The following DNAJC11 variants were observed in gnomAD, a reference collection of about 807,000 sequenced individuals.
DNAJC11 encodes the protein dnaJ homolog subfamily C member 11.
In DNAJC11, 15 loss-of-function variants were observed where a neutral mutation model predicts 78.6. The ratio of observed to expected loss-of-function variants is 0.19; its 90% CI spans 0.13 to 0.29. The LOEUF (loss-of-function observed/expected upper bound fraction) is 0.29. Ranked by LOEUF, DNAJC11 falls within the 10% of genes least tolerant of loss-of-function variation. The pLI is 1.00. For synonymous variants in DNAJC11, 292 were observed against 272.1 expected, an observed-to-expected ratio of 1.07 and a Z score of -0.72; for missense variants, 547 against 709.6, an observed-to-expected ratio of 0.77 and a Z score of 2.60.
intron 6 of DNAJC11, 71 bp from the exon 7 acceptor site, chr1:6,651,673 G>T: frequency 9.0e-7 from 1 of 1,106,198 alleles, no homozygotes; most frequent in Non-Finnish European, 1.4e-6. Context: ...GCTCAGGTAT[G>T]TACCTCTAGG....
intron 1 of DNAJC11, among the ~76,000 whole-genome samples, chr1:6,701,033 G>A (rs558213241): frequency 6.6e-6 from 1 of 152,198 alleles, no homozygotes; most frequent in Admixed American, 6.5e-5. Context: ...TGAGGAGACA[G>A]GGTACAAGTG....
At chr1:6,671,618 G>A (rs1210404100) in intron 3 of DNAJC11, among the ~76,000 whole-genome samples, 2 of 148,256 alleles carry the variant, frequency 1.3e-5, no homozygotes, top group Non-Finnish European at 3.0e-5. Context: ...TGCAAGCTCC[G>A]CCTCATGGGT....
intron 3 of DNAJC11, among the ~76,000 whole-genome samples, chr1:6,677,880 T>C (rs1464206387): frequency 6.6e-6 from 1 of 152,184 alleles, no homozygotes; most frequent in Non-Finnish European, 1.5e-5. Flanking sequence ...TACATGAGAA[T>C]TGAAAGGGTC....
chr1:6,655,973 G>A (rs1175973382), intron 4 of DNAJC11, among the ~76,000 whole-genome samples: 4 of 150,288 alleles, frequency 2.7e-5, no homozygotes, highest in Admixed American at 6.6e-5. Context: ...GTGGTGGTGC[G>A]CACCTATAAT....
At chr1:6,697,951 C>T (rs1642864048) in intron 1 of DNAJC11, among the ~76,000 whole-genome samples, 2 of 152,026 alleles carry the variant, frequency 1.3e-5, no homozygotes, top group Admixed American at 6.6e-5. Context: ...CCACCACGCC[C>T]GGCTAATTTT....
intron 7 of DNAJC11, among the ~76,000 whole-genome samples, chr1:6,648,824 G>C (rs974115692): frequency 6.6e-6 from 1 of 152,184 alleles, no homozygotes; most frequent in African/African-American, 2.4e-5. Flanking sequence ...CAACACTGAT[G>C]TGTATACAGA....
At chr1:6,678,577 C>T in intron 2 of DNAJC11, 110 bp from the exon 3 acceptor site, 1 of 832,218 alleles carries the variant, frequency 1.2e-6, no homozygotes, top group Non-Finnish European at 1.9e-6. Flanking sequence ...CCTGTCTGAT[C>T]ACAATCTTCC....
chr1:6,663,299 A>AC (rs924251323), intron 4 of DNAJC11, among the ~76,000 whole-genome samples: 2 of 152,008 alleles, frequency 1.3e-5, no homozygotes, highest in Non-Finnish European at 2.9e-5. Flanking sequence ...TTGCCCCCAC[A>AC]CCCCCAAACA....
chr1:6,695,430 C>G (rs1642818942), intron 1 of DNAJC11, among the ~76,000 whole-genome samples: 1 of 151,814 alleles, frequency 6.6e-6, no homozygotes, highest in African/African-American at 2.4e-5. Flanking sequence ...ACGCACATAC[C>G]ACACAGGTCA....
intron 3 of DNAJC11, among the ~76,000 whole-genome samples, chr1:6,669,529 A>G (rs1642344882): frequency 7.4e-6 from 1 of 134,470 alleles, no homozygotes; most frequent in African/African-American, 3.2e-5. Flanking sequence ...AGAAAAGAAA[A>G]GAAAAGAAAA....
At chr1:6,697,625 G>A (rs1267267291) in intron 1 of DNAJC11, among the ~76,000 whole-genome samples, 1 of 152,086 alleles carries the variant, frequency 6.6e-6, no homozygotes, top group Non-Finnish European at 1.5e-5. Context: ...ACCTCCTGCT[G>A]TGCGGCCCAA....
In DNAJC11 at chr1:6,645,019, T is replaced by C. The variant is rs777038535; in HGVS notation, c.980+22A>G. 9 of 1,610,422 alleles carry C rather than the reference T, an allele frequency of 5.6e-6. No homozygotes were observed. The highest frequency in any genetic ancestry group is 6.8e-6 in the Non-Finnish European group (8 of 1,176,912). On this transcript the variant is annotated intron_variant, in intron 9 of 15. Coordinates refer to ENST00000377577, the MANE Select transcript of DNAJC11 (RefSeq NM_018198.4). The surrounding 1 kb of genome is among the most constrained non-coding windows in gnomAD (Gnocchi z 4.1). ...CGCATGCAGTACCAGTGTGCTTCCA[T>C]TTTAGCCAGGCCAGGACTTACTTGA...
chr1:6,667,930 T>G, intron 3 of DNAJC11, 120 bp from the exon 4 acceptor site: 1 of 900,222 alleles, frequency 1.1e-6, no homozygotes, highest in Non-Finnish European at 1.8e-6. Context: ...GGCCACAGCC[T>G]TTCCTCAGGA....
chr1:6,650,292 G>A lies in DNAJC11; in HGVS notation c.704+1237C>T, dbSNP rs185165369. On this transcript the variant is annotated intron_variant, in intron 7 of 15. Transcript: ENST00000377577. ...AAAAAACATATACTCCAGGCTTGCT[G>A]AAGTGGCTCATGCTTCTAATCTCAG... Among the ~76,000 whole-genome samples, 36 of 150,668 alleles carry A rather than the reference G, an allele frequency of 2.4e-4. No homozygotes were observed. The East Asian group carries it at 6.8e-3, about 28-fold the overall frequency.
chr1:6,671,998 C>A (rs1213340304), intron 3 of DNAJC11, among the ~76,000 whole-genome samples: 3 of 152,092 alleles, frequency 2.0e-5, no homozygotes, highest in Non-Finnish European at 4.4e-5. Flanking sequence ...CCATACCCAG[C>A]CAGTTTTTTT....
At chr1:6,670,609 A>G (rs564712139) in intron 3 of DNAJC11, 1 of 152,320 alleles carries the variant, frequency 6.6e-6, no homozygotes, top group East Asian at 1.9e-4. Flanking sequence ...AATAATTACT[A>G]AAAAGGGGGA....
intron 1 of DNAJC11, among the ~76,000 whole-genome samples, chr1:6,697,931 CA>C (rs1321824422): frequency 6.6e-6 from 1 of 151,998 alleles, no homozygotes; most frequent in African/African-American, 2.4e-5. Flanking sequence ...CAGCCTCCTA[CA>C]GGCGCCCGCC....
rs551552637 is a variant in DNAJC11 at position 6,656,253 on chromosome 1, G to A, written c.379-2214C>T. Among the ~76,000 whole-genome samples the A allele has an allele frequency of 1.1e-4, 17 of 152,000 alleles. 1 individual carries two copies. The East Asian group carries it at 1.3e-3, about 12-fold the overall frequency. ...AGATACAATTTTGAAATTCCATAAC[G>A]GCATTTTGGAGTATCTTTATTTTGT... On this transcript the variant is annotated intron_variant, in intron 4 of 15. Transcript: ENST00000377577.
intron 7 of DNAJC11, chr1:6,650,968 C>T: frequency 2.1e-6 from 1 of 477,580 alleles, no homozygotes; most frequent in Non-Finnish European, 4.4e-6. Context: ...TATTATTTAC[C>T]CTCCACCAAT....
Sources: allele counts gnomAD v4.1 joint callset (sites outside exome capture counted in the v4.1 genomes callset), GRCh38; gene constraint gnomAD v4.1.1; non-coding constraint Gnocchi (gnomAD v3.1); transcripts MANE v1.5; gene names NCBI Gene and HGNC (gene_info 2026-07-23, HGNC 2026-07-21).